The following ELOVL5 variants were observed in gnomAD, a reference collection of about 807,000 sequenced individuals.
ELOVL5 encodes the protein very long chain fatty acid elongase 5.
In ELOVL5, 8 loss-of-function variants were observed where a neutral mutation model predicts 38.6. That is an observed-to-expected ratio of 0.21 (90% CI 0.12 to 0.37). The LOEUF (loss-of-function observed/expected upper bound fraction) is 0.37. Ranked by LOEUF, ELOVL5 falls within the 10% of genes least tolerant of loss-of-function variation. The pLI is 1.00. For synonymous variants in ELOVL5, 127 were observed against 133.7 expected (o/e 0.95, Z 0.34); for missense variants, 280 against 367.8 (o/e 0.76, Z 1.95).
At chr6:53,282,025 T>G (rs903596085) in intron 3 of ELOVL5, among the ~76,000 whole-genome samples, 1 of 152,224 alleles carries the variant, frequency 6.6e-6, no homozygotes, top group African/African-American at 2.4e-5. Context: ...TGCCCTCTTA[T>G]GCTAGCAGTT....
chr6:53,302,629 A>AT (rs1767304041), intron 1 of ELOVL5, among the ~76,000 whole-genome samples: 1 of 150,862 alleles, frequency 6.6e-6, no homozygotes, highest in African/African-American at 2.4e-5. Flanking sequence ...AGGTATCAAG[A>AT]TTTTTAAAAA....
intron 3 of ELOVL5, among the ~76,000 whole-genome samples, chr6:53,288,827 A>C (rs1326136951): frequency 6.6e-6 from 1 of 152,082 alleles, no homozygotes; most frequent in African/African-American, 2.4e-5. Flanking sequence ...GCACTTTGGG[A>C]GGCAGAGGTG....
intron 1 of ELOVL5, among the ~76,000 whole-genome samples, chr6:53,328,170 C>T (rs114008483): frequency 6.6e-6 from 1 of 152,300 alleles, no homozygotes; most frequent in African/African-American, 2.4e-5. Flanking sequence ...CCCAATGAGA[C>T]AGACAAGGGC....
intron 1 of ELOVL5, among the ~76,000 whole-genome samples, chr6:53,342,179 G>A (rs551385707): frequency 1.3e-4 from 20 of 152,018 alleles, no homozygotes; most frequent in Admixed American, 2.6e-4. Flanking sequence ...TGATGGAGGC[G>A]TCAACGACTT....
At chr6:53,274,643 C>T (rs975275848) in intron 5 of ELOVL5, among the ~76,000 whole-genome samples, 14 of 152,206 alleles carry the variant, frequency 9.2e-5, no homozygotes, top group Non-Finnish European at 1.5e-4. Context: ...CACCATGCTT[C>T]AGGGAATATG....
At chr6:53,347,587 T>C (rs965025799) in intron 1 of ELOVL5, among the ~76,000 whole-genome samples, 10 of 152,168 alleles carry the variant, frequency 6.6e-5, no homozygotes, top group Non-Finnish European at 1.3e-4. Flanking sequence ...TACAATTCTA[T>C]GAAGCACTTC....
At chr6:53,331,916 G>A (rs977850131) in intron 1 of ELOVL5, among the ~76,000 whole-genome samples, 1 of 152,150 alleles carries the variant, frequency 6.6e-6, no homozygotes, top group South Asian at 2.1e-4. Flanking sequence ...CTTCTGGTGG[G>A]GCCTCAGGAA....
intron 1 of ELOVL5, among the ~76,000 whole-genome samples, chr6:53,332,280 A>G (rs574091689): frequency 6.6e-6 from 1 of 152,296 alleles, no homozygotes; most frequent in South Asian, 2.1e-4. Context: ...GAGAAATTCA[A>G]CCCAATCAGC....
chr6:53,273,148 T>A (rs1170835259), intron 6 of ELOVL5, 72 bp downstream of exon 6: 1 of 1,540,030 alleles, frequency 6.5e-7, no homozygotes, highest in African/African-American at 1.4e-5. Flanking sequence ...TGCTATTACA[T>A]AACACTAAAG....
chr6:53,317,792 A>T (rs752060264), intron 1 of ELOVL5, among the ~76,000 whole-genome samples: 15 of 151,672 alleles, frequency 9.9e-5, no homozygotes, highest in Non-Finnish European at 2.2e-4. Flanking sequence ...CTTAAAGTAT[A>T]ATAATAATAA....
intron 3 of ELOVL5, among the ~76,000 whole-genome samples, chr6:53,288,800 T>G (rs1324936951): frequency 6.6e-6 from 1 of 152,190 alleles, no homozygotes; most frequent in Non-Finnish European, 1.5e-5. Context: ...ATGTAGTGGC[T>G]CATGTCTGTA....
intron 1 of ELOVL5, among the ~76,000 whole-genome samples, chr6:53,325,796 G>A (rs1458689235): frequency 1.3e-5 from 2 of 152,184 alleles, no homozygotes; most frequent in East Asian, 1.9e-4. Context: ...TTGGTAGGCC[G>A]GAAAAGTGTC....
At chr6:53,303,678 T>C (rs1051838451) in intron 1 of ELOVL5, among the ~76,000 whole-genome samples, 9 of 152,150 alleles carry the variant, frequency 5.9e-5, no homozygotes, top group African/African-American at 1.9e-4. Flanking sequence ...TAATGGATAA[T>C]TGGAGGGGAA....
At chr6:53,283,702 T>G (rs114595479) in intron 3 of ELOVL5, among the ~76,000 whole-genome samples, 1,591 of 152,248 alleles carry the variant, frequency 0.01, 26 homozygotes, top group African/African-American at 0.036. Flanking sequence ...ATGCAAAATT[T>G]TCAAAGTGCC....
chr6:53,287,907 G>C lies in ELOVL5; in HGVS notation c.246+3869C>G, dbSNP rs78402335. Reference sequence around the variant, plus strand: ...GCTGAGTCGAAGGATCAGTTCGTGAGGCACAGGCAGATCGACGGGGTTGCT... The same window carrying C: ...GCTGAGTCGAAGGATCAGTTCGTGACGCACAGGCAGATCGACGGGGTTGCT... On this transcript the variant is annotated intron_variant, in intron 3 of 7. Transcript: ENST00000304434. 1,319 of 1,535,732 alleles carry C rather than the reference G, an allele frequency of 8.6e-4. 15 individuals carry two copies. The African/African-American group carries it at 0.016, about 18-fold the overall frequency.
chr6:53,268,371 C>G lies in ELOVL5; in HGVS notation c.*756G>C, dbSNP rs1402103408. 6.6e-6 allele frequency: 1 copy of G among 152,110 alleles called. No homozygotes were observed. The highest frequency in any genetic ancestry group is 2.4e-5 in the African/African-American group (1 of 41,412). 9.4% of individuals were successfully genotyped at this position (152,110 alleles called of 1,614,324 possible). A position where few individuals can be genotyped will look rare whatever the true frequency, so the allele number is the denominator to read the frequency against. ...ACTCACCCTACACCCTTCCTAAAAT[C>G]TCGAGGACAAAGAATATATATTTAA... On this transcript the variant is annotated 3_prime_UTR_variant, in exon 8 of 8. Coordinates refer to ENST00000304434, the MANE Select transcript of ELOVL5 (RefSeq NM_021814.5).
chr6:53,272,389 G>A (rs889893696), intron 6 of ELOVL5, among the ~76,000 whole-genome samples: 21 of 152,056 alleles, frequency 1.4e-4, no homozygotes, highest in African/African-American at 2.7e-4. Flanking sequence ...CTCCTGCCTC[G>A]ACCTCCCAAA....
chr6:53,280,159 G>A (rs1409015756), intron 3 of ELOVL5, among the ~76,000 whole-genome samples: 2 of 152,204 alleles, frequency 1.3e-5, no homozygotes, highest in East Asian at 1.9e-4. Context: ...CAGTAGGCTG[G>A]AGAAGGTGAA....
At chr6:53,270,841 T>C (rs1765892799) in intron 6 of ELOVL5, 114 bp from the exon 7 acceptor site, 1 of 1,178,602 alleles carries the variant, frequency 8.5e-7, no homozygotes, top group Non-Finnish European at 1.2e-6. Context: ...CTTACTACCC[T>C]TGCTGCAGGT....
Sources: gnomAD v4.1 joint callset for allele counts (sites outside exome capture counted in the v4.1 genomes callset) on GRCh38, gnomAD v4.1.1 for gene constraint, MANE v1.5 for transcripts, NCBI Gene and HGNC (gene_info 2026-07-23, HGNC 2026-07-21) for gene names.